CEP83: variants seen among roughly 807,000 people sequenced by gnomAD.
The protein encoded by CEP83 is centrosomal protein of 83 kDa.
CEP83 carries 70 observed loss-of-function variants against 101.9 expected under a neutral mutation model. The observed-to-expected ratio is 0.69, with a 90% CI of 0.57 to 0.84. The LOEUF (loss-of-function observed/expected upper bound fraction) is 0.84. Ranked by LOEUF, CEP83 falls within the 40% of genes least tolerant of loss-of-function variation. The pLI, the probability that CEP83 is intolerant of heterozygous loss-of-function variation, is 0.00. For missense variants in CEP83, 715 were observed against 787.2 expected (o/e 0.91, Z 1.10); for synonymous variants, 264 against 267.9 (o/e 0.99, Z 0.14).
At chr12:94,312,836 A>T (rs779451962) in intron 15 of CEP83, 78 bp downstream of exon 15, 1 of 1,245,224 alleles carries the variant, frequency 8.0e-7, no homozygotes, top group Non-Finnish European at 1.1e-6. Context: ...AAAGAAAAGA[A>T]GGTACGTTAT....
chr12:94,455,457 G>A (rs866892112), intron 1 of CEP83, among the ~76,000 whole-genome samples: 20 of 152,276 alleles, frequency 1.3e-4, no homozygotes, highest in Middle Eastern at 3.4e-3. Flanking sequence ...TGAATCAAAC[G>A]AATATTTATG....
intron 11 of CEP83, among the ~76,000 whole-genome samples, chr12:94,340,859 G>A (rs1482496465): frequency 6.6e-6 from 1 of 152,178 alleles, no homozygotes; most frequent in East Asian, 1.9e-4. Context: ...TAAGAGAGGA[G>A]AGAGAAAATA....
chr12:94,423,156 T>C lies in CEP83; in HGVS notation c.-101-10565A>G, dbSNP rs138491958. 7.4e-4 allele frequency among the ~76,000 whole-genome samples: 113 copies of C among 152,206 alleles called. 1 individual carries two copies. In the East Asian group the frequency reaches 0.02, roughly 27 times the overall value. Reference sequence around the variant, plus strand: ...CTGGAGTGCAATGGCGCAATCTCAGTTCATCACAGCCTCTGCCTCCTAGGT... The same window carrying C: ...CTGGAGTGCAATGGCGCAATCTCAGCTCATCACAGCCTCTGCCTCCTAGGT... On this transcript the variant is annotated intron_variant, in intron 2 of 16. Coordinates refer to ENST00000397809, the MANE Select transcript of CEP83 (RefSeq NM_016122.3).
At chr12:94,292,572 T>A in the CEP83 span, among the ~76,000 whole-genome samples, 1 of 152,236 alleles carries the variant, frequency 6.6e-6, no homozygotes, top group African/African-American at 2.4e-5. Flanking sequence ...CACAAGTATT[T>A]CAGATTTTGG....
At chr12:94,289,368 G>T in the CEP83 span, among the ~76,000 whole-genome samples, 1 of 152,210 alleles carries the variant, frequency 6.6e-6, no homozygotes. Flanking sequence ...ATCGCTTGTT[G>T]TCACATCGAA....
Position 94,420,080 on chromosome 12 carries a change from C to T in CEP83, c.-101-7489G>A, listed in dbSNP as rs954031212. 3.9e-5 allele frequency among the ~76,000 whole-genome samples: 6 copies of T among 151,962 alleles called. No homozygotes were observed. The East Asian group carries it at 1.2e-3, about 29-fold the overall frequency. ...AATTTTTTCTATTGAATTGTCTTTT[C>T]AATTACTAATTTGTAAAAATTATTC... On this transcript the variant is annotated intron_variant, in intron 2 of 16. Transcript: ENST00000397809.
rs145818083 is a variant in CEP83 at position 94,364,039 on chromosome 12, G to A, written c.1343+3755C>T. 2.2e-3 allele frequency among the ~76,000 whole-genome samples: 326 copies of A among 151,568 alleles called. 1 individual carries two copies. The highest frequency in any genetic ancestry group is 7.4e-3 in the African/African-American group (307 of 41,282). ...AATACTGTTTGATTCCACTTACAAAGGTATGTAGAGCAGTCAAAAATCCTA... is the reference window on the plus strand; with the variant it reads ...AATACTGTTTGATTCCACTTACAAAAGTATGTAGAGCAGTCAAAAATCCTA... On this transcript the variant is annotated intron_variant, in intron 11 of 16. Coordinates refer to ENST00000397809, the MANE Select transcript of CEP83 (RefSeq NM_016122.3).
chr12:94,328,875 T>C (rs1048183106), intron 14 of CEP83, among the ~76,000 whole-genome samples: 1 of 152,240 alleles, frequency 6.6e-6, no homozygotes, highest in Non-Finnish European at 1.5e-5. Flanking sequence ...TTAAGTAATC[T>C]TGGGTACCTC....
chr12:94,324,467 T>C (rs2058884074), intron 14 of CEP83, among the ~76,000 whole-genome samples: 1 of 152,266 alleles, frequency 6.6e-6, no homozygotes, highest in African/African-American at 2.4e-5. Context: ...TTAATATCTA[T>C]AGATAGATAT....
the CEP83 span, among the ~76,000 whole-genome samples, chr12:94,279,265 G>A: frequency 6.6e-6 from 1 of 152,144 alleles, no homozygotes; most frequent in African/African-American, 2.4e-5. Flanking sequence ...GCTCTATAAT[G>A]AGAGTTTTAA....
chr12:94,356,875 A>C (rs2060501493), intron 11 of CEP83, among the ~76,000 whole-genome samples: 1 of 152,192 alleles, frequency 6.6e-6, no homozygotes, highest in South Asian at 2.1e-4. Flanking sequence ...ATATAACTGC[A>C]GACCAACTTT....
Position 94,369,929 on chromosome 12 carries a change from T to G in CEP83, c.1041A>C (p.Glu347Asp), listed in dbSNP as rs566345492. The change falls in exon 9 of 17, where the codon GAA (glutamate) becomes GAC (aspartate). Residue 347 changes from glutamate to aspartate, a missense_variant. Physicochemically the swap from Glu to Asp is conservative, Grantham distance 45. Coordinates refer to ENST00000397809, the MANE Select transcript of CEP83 (RefSeq NM_016122.3). ...AGGGAAATCACATATTACCATCCAG[T>G]TCACTTTGAATCTTATTCCTTTCTC... The part of the protein sequence containing the change: ...LERERNKIQS[E>D]LDGLQSDNEI... 1.9e-6 allele frequency: 3 copies of G among 1,545,944 alleles called. No individual in the cohort carries two copies. The highest frequency in any genetic ancestry group is 1.8e-6 in the Non-Finnish European group (2 of 1,120,326).
intron 14 of CEP83, among the ~76,000 whole-genome samples, chr12:94,316,033 A>G (rs186847284): frequency 4.6e-5 from 7 of 152,300 alleles, no homozygotes; most frequent in Admixed American, 6.5e-5. Context: ...TAATTTCTAC[A>G]AAGAAACCTG....
the CEP83 span, among the ~76,000 whole-genome samples, chr12:94,274,178 A>G: frequency 1.0e-4 from 15 of 150,590 alleles, no homozygotes; most frequent in East Asian, 1.7e-3. Context: ...AAAAAAAAAA[A>G]AAAAAAAAAT....
chr12:94,349,908 T>C (rs1051496657), intron 11 of CEP83, among the ~76,000 whole-genome samples: 5 of 152,138 alleles, frequency 3.3e-5, no homozygotes, highest in Admixed American at 6.5e-5. Flanking sequence ...CCATTTACAA[T>C]AGCATCAAAA....
intron 8 of CEP83, among the ~76,000 whole-genome samples, chr12:94,372,509 A>G (rs1412430710): frequency 6.6e-6 from 1 of 152,228 alleles, no homozygotes; most frequent in Non-Finnish European, 1.5e-5. Context: ...ATAACCTGCT[A>G]TTATATACTA....
chr12:94,381,949 G>T lies in CEP83; in HGVS notation c.550-2907C>A, dbSNP rs544823250. Among the ~76,000 whole-genome samples the T allele has an allele frequency of 1.5e-4, 23 of 152,072 alleles. No individual in the cohort carries two copies. In the East Asian group the frequency reaches 4.3e-3, roughly 28 times the overall value. ...TTTGGGGAAGACATTATGTAGAATT[G>T]GTACTGATACTTCTTTAAACACCTG... On this transcript the variant is annotated intron_variant, in intron 6 of 16. Transcript: ENST00000397809.
the CEP83 span, among the ~76,000 whole-genome samples, chr12:94,293,775 C>T: frequency 4.5e-4 from 68 of 152,234 alleles, no homozygotes; most frequent in Non-Finnish European, 8.2e-4. Flanking sequence ...TGCACCAATG[C>T]GCCCAGATAA....
At chr12:94,331,883 A>G in intron 13 of CEP83, 54 bp from the exon 14 acceptor site, 1 of 1,525,112 alleles carries the variant, frequency 6.6e-7, no homozygotes, top group South Asian at 1.1e-5. Context: ...TTAGGATTAA[A>G]TAGATATTAT....
Sources: allele counts gnomAD v4.1 joint callset (sites outside exome capture counted in the v4.1 genomes callset), GRCh38; gene constraint gnomAD v4.1.1; transcripts MANE v1.5; gene names NCBI Gene and HGNC (gene_info 2026-07-23, HGNC 2026-07-21).